The following RAPGEF4 variants were observed in gnomAD, a reference collection of about 807,000 sequenced individuals.
The protein encoded by RAPGEF4 is RAP guanine-nucleotide-exchange factor (GEF) 4.
RAPGEF4 carries 66 observed loss-of-function variants against 147.9 expected under a neutral mutation model. The ratio of observed to expected loss-of-function variants is 0.45; its 90% CI spans 0.37 to 0.55. RAPGEF4 has a LOEUF of 0.55. RAPGEF4 is among the 20% of genes least tolerant of loss of function. The pLI is 0.00. For missense variants in RAPGEF4, 1,071 were observed against 1,257.3 expected (o/e 0.85, Z 2.24); for synonymous variants, 419 against 442.7 (o/e 0.95, Z 0.67).
At chr2:173,000,272 T>C (rs1417074281) in intron 16 of RAPGEF4, among the ~76,000 whole-genome samples, 3 of 152,226 alleles carry the variant, frequency 2.0e-5, no homozygotes, top group South Asian at 2.1e-4. Flanking sequence ...CTTTAGTAAC[T>C]GACTCAGACT....
intron 4 of RAPGEF4, among the ~76,000 whole-genome samples, chr2:172,887,157 G>T (rs779409324): frequency 2.7e-5 from 4 of 148,048 alleles, no homozygotes; most frequent in African/African-American, 7.5e-5. Context: ...ACTGCAGTCC[G>T]CAGTCCGGCC....
chr2:172,967,227 C>G, intron 9 of RAPGEF4, 34 bp from the exon 10 acceptor site: 1 of 1,591,822 alleles, frequency 6.3e-7, no homozygotes, highest in Non-Finnish European at 8.6e-7. Flanking sequence ...GGCCGAGGTG[C>G]TGCAGCTGAC....
At chr2:173,011,321 G>T (rs942066823) in intron 17 of RAPGEF4, among the ~76,000 whole-genome samples, 1 of 151,984 alleles carries the variant, frequency 6.6e-6, no homozygotes, top group Non-Finnish European at 1.5e-5. Flanking sequence ...GGATAGTGGG[G>T]GTGGGAATAG....
At chr2:172,963,939 T>C (rs1689561237) in intron 8 of RAPGEF4, among the ~76,000 whole-genome samples, 2 of 152,222 alleles carry the variant, frequency 1.3e-5, no homozygotes, top group African/African-American at 4.8e-5. Context: ...AGCACAACTG[T>C]GTGTCTTTGT....
intron 5 of RAPGEF4, among the ~76,000 whole-genome samples, chr2:172,922,072 G>A (rs949933818): frequency 4.6e-5 from 7 of 152,206 alleles, no homozygotes. Flanking sequence ...TTGGTGTCTG[G>A]GCACATGGCC....
chr2:172,865,058 G>T (rs148409482), intron 4 of RAPGEF4, among the ~76,000 whole-genome samples: 2 of 152,310 alleles, frequency 1.3e-5, no homozygotes, highest in African/African-American at 4.8e-5. Flanking sequence ...CCTCAGTCCA[G>T]TTGTAGGCTT....
Position 172,836,416 on chromosome 2 carries a change from G to C in RAPGEF4, c.444+21991G>C, listed in dbSNP as rs566339843. Among the ~76,000 whole-genome samples, 320 of 152,332 alleles carry C rather than the reference G, an allele frequency of 2.1e-3. 1 individual carries two copies. The highest frequency in any genetic ancestry group is 4.0e-3 in the Non-Finnish European group (269 of 68,026). The stretch of plus-strand genomic sequence containing the variant: ...TCGTTGTAGCTCTGTGGTGTGTGAC[G>C]TCTCAGTTGTGATATCCTAGAGCAA... On this transcript the variant is annotated intron_variant, in intron 4 of 30. Coordinates refer to ENST00000397081, the MANE Select transcript of RAPGEF4 (RefSeq NM_007023.4).
At chr2:172,769,571 T>C (rs1697167776) in intron 1 of RAPGEF4, among the ~76,000 whole-genome samples, 1 of 152,056 alleles carries the variant, frequency 6.6e-6, no homozygotes, top group South Asian at 2.1e-4. Context: ...TAGGGGGAGT[T>C]CAGGGAAAGC....
At chr2:172,763,544 G>A (rs988582416) in intron 1 of RAPGEF4, among the ~76,000 whole-genome samples, 1 of 152,170 alleles carries the variant, frequency 6.6e-6, no homozygotes, top group Admixed American at 6.5e-5. Flanking sequence ...GTAGGTGAGA[G>A]AACATCAGAG....
chr2:172,852,135 G>A (rs1373489840), intron 4 of RAPGEF4, among the ~76,000 whole-genome samples: 1 of 152,098 alleles, frequency 6.6e-6, no homozygotes, highest in Non-Finnish European at 1.5e-5. Context: ...GATCATATAT[G>A]AAAGCAGTAA....
intron 15 of RAPGEF4, among the ~76,000 whole-genome samples, chr2:172,993,271 C>T (rs1049918824): frequency 4.6e-5 from 7 of 152,246 alleles, no homozygotes; most frequent in Middle Eastern, 6.8e-3. Flanking sequence ...TTTACTGTTT[C>T]GCATGTCTTT....
At chr2:173,040,671 A>G (rs1684652806) in intron 29 of RAPGEF4, among the ~76,000 whole-genome samples, 1 of 152,198 alleles carries the variant, frequency 6.6e-6, no homozygotes, top group African/African-American at 2.4e-5. Flanking sequence ...AATAGAACCA[A>G]TCTCCTACAT....
intron 1 of RAPGEF4, among the ~76,000 whole-genome samples, chr2:172,794,204 C>A (rs1686117684): frequency 6.6e-6 from 1 of 151,768 alleles, no homozygotes; most frequent in South Asian, 2.1e-4. Context: ...ATAGTGAAAC[C>A]CCATCTCTAC....
At chr2:172,821,776 A>G (rs867432325) in intron 4 of RAPGEF4, 1 of 1,116,926 alleles carries the variant, frequency 9.0e-7, no homozygotes, top group Non-Finnish European at 1.1e-6. Context: ...GTGTTTTCTT[A>G]TTGCCTTAGA....
intron 4 of RAPGEF4, among the ~76,000 whole-genome samples, chr2:172,917,270 G>C (rs897134587): frequency 2.0e-5 from 3 of 152,208 alleles, no homozygotes; most frequent in Non-Finnish European, 2.9e-5. Context: ...AAGTTCTTTG[G>C]AGGTCACATA....
chr2:172,972,000 G>A (rs146289680), intron 10 of RAPGEF4, among the ~76,000 whole-genome samples: 22 of 150,694 alleles, frequency 1.5e-4, no homozygotes, highest in African/African-American at 5.4e-4. Context: ...GAGATATATT[G>A]GCTTCATATC....
At chr2:172,952,980 G>A (rs190198227) in intron 6 of RAPGEF4, among the ~76,000 whole-genome samples, 24 of 152,244 alleles carry the variant, frequency 1.6e-4, no homozygotes, top group African/African-American at 5.5e-4. Flanking sequence ...GCTAAGAGCA[G>A]TACTCCAGAA....
At chr2:172,806,292 T>C (rs1265963632) in intron 3 of RAPGEF4, among the ~76,000 whole-genome samples, 4 of 152,100 alleles carry the variant, frequency 2.6e-5, no homozygotes, top group African/African-American at 7.2e-5. Flanking sequence ...AAATGGATGG[T>C]TTATTAATTC....
chr2:172,847,117 T>C (rs1440676477), intron 4 of RAPGEF4, among the ~76,000 whole-genome samples: 1 of 152,180 alleles, frequency 6.6e-6, no homozygotes, highest in Non-Finnish European at 1.5e-5. Flanking sequence ...TCTGGTCTCT[T>C]CGTTTCTAGG....
Sources: allele counts gnomAD v4.1 joint callset (sites outside exome capture counted in the v4.1 genomes callset), GRCh38; gene constraint gnomAD v4.1.1; transcripts MANE v1.5; gene names NCBI Gene and HGNC (gene_info 2026-07-23, HGNC 2026-07-21).